The following RERE variants were observed in gnomAD, a reference collection of about 807,000 sequenced individuals.
RERE encodes the protein arginine-glutamic acid dipeptide repeats, also known as arginine-glutamic acid dipeptide repeats protein.
Under a neutral mutation model 146.1 loss-of-function variants are expected in RERE, and 40 were observed. The ratio of observed to expected loss-of-function variants is 0.27; its 90% confidence interval spans 0.21 to 0.36. RERE has a LOEUF of 0.36. Ranked by LOEUF, RERE falls within the 10% of genes least tolerant of loss-of-function variation. The probability of loss-of-function intolerance (pLI) is 1.00; values close to 1 mark genes in which losing one functional copy is unlikely to be tolerated. For missense variants in RERE, 1,933 were observed against 2,138.7 expected (o/e 0.90, Z 1.90); for synonymous variants, 1,003 against 866.0 (o/e 1.16, Z -2.78).
chr1:8,439,888 C>T (rs1557632982), intron 11 of RERE, among the ~76,000 whole-genome samples: 1 of 152,014 alleles, frequency 6.6e-6, no homozygotes, highest in Non-Finnish European at 1.5e-5. Flanking sequence ...GCCTGGCCAA[C>T]ACAGTGAAAC....
intron 10 of RERE, among the ~76,000 whole-genome samples, chr1:8,467,869 C>T (rs1376534514): frequency 1.3e-5 from 2 of 152,194 alleles, no homozygotes; most frequent in African/African-American, 2.4e-5. Flanking sequence ...TGGTCTCGAT[C>T]TCTTGACCTC....
chr1:8,692,559 G>C (rs1287967934), intron 1 of RERE, among the ~76,000 whole-genome samples: 1 of 151,980 alleles, frequency 6.6e-6, no homozygotes, highest in Non-Finnish European at 1.5e-5. Context: ...ATAATGGCCA[G>C]GCTGGTCTCT....
chr1:8,365,851 G>T lies in RERE; in HGVS notation c.1408C>A (p.Pro470Thr), dbSNP rs752220991. 1 of 1,614,166 alleles carries T rather than the reference G, an allele frequency of 6.2e-7. No homozygotes were observed. The highest frequency in any genetic ancestry group is 8.5e-7 in the Non-Finnish European group (1 of 1,180,022). Residue 470 changes from proline to threonine, a missense_variant, in exon 13 of 23, where the codon CCC (proline) becomes ACC (threonine). Around this residue, in one of 11 missense-constraint regions of RERE, gnomAD observed 260 missense variants for 378.4 expected, o/e 0.69. Coordinates refer to ENST00000400908, the MANE Select transcript of RERE (RefSeq NM_001042681.2). ...RRIKTRTASTPVNTPSRPPSS... is the reference protein window; with the variant it reads ...RRIKTRTASTTVNTPSRPPSS... ...GGGGGTCTGGAGGGTGTGTTGACGG[G>T]TGTGGACGCGGTGCGAGTCTTAATC... is the stretch of plus-strand genomic sequence containing the variant.
intron 1 of RERE, among the ~76,000 whole-genome samples, chr1:8,749,555 T>G (rs561754176): frequency 6.6e-6 from 1 of 152,154 alleles, no homozygotes; most frequent in Non-Finnish European, 1.5e-5. Flanking sequence ...GAAAAAAACC[T>G]GATGGAACCG....
Position 8,364,395 on chromosome 1 carries a change from G to A in RERE, c.1541-140C>T, listed in dbSNP as rs908334624. 5.4e-6 allele frequency: 4 copies of A among 742,966 alleles called. No individual in the cohort carries two copies. The highest frequency in any genetic ancestry group is 9.1e-6 in the Non-Finnish European group (4 of 439,628). The allele number at this position is 742,966 out of a possible 1,614,324, so 46.0% of individuals were successfully genotyped here. ...GCAGCCCTGGGCCCCAACACCCCAG[G>A]GCTAGTGCTGCCCTGCTCCCCCAAG... On this transcript the variant is annotated intron_variant, in intron 14 of 22. Transcript: ENST00000400908. The surrounding 1 kb of genome is among the most constrained non-coding windows in gnomAD (Gnocchi z 5.1).
chr1:8,407,046 T>C (rs1023313823), intron 12 of RERE, among the ~76,000 whole-genome samples: 3 of 152,200 alleles, frequency 2.0e-5, no homozygotes, highest in Non-Finnish European at 4.4e-5. Context: ...TTAATGAACA[T>C]GGAGGATGAA....
At chr1:8,671,885 A>C (rs1487818113) in intron 1 of RERE, among the ~76,000 whole-genome samples, 1 of 152,194 alleles carries the variant, frequency 6.6e-6, no homozygotes, top group Non-Finnish European at 1.5e-5. Context: ...AGTGATATGA[A>C]AAGGTAAAAC....
chr1:8,772,736 G>T (rs1233893523), intron 1 of RERE, among the ~76,000 whole-genome samples: 1 of 151,934 alleles, frequency 6.6e-6, no homozygotes, highest in Non-Finnish European at 1.5e-5. Flanking sequence ...GCTGAGATTG[G>T]CCACTGCACT....
At chr1:8,504,348 A>G (rs1645220615) in intron 8 of RERE, among the ~76,000 whole-genome samples, 1 of 152,244 alleles carries the variant, frequency 6.6e-6, no homozygotes, top group Non-Finnish European at 1.5e-5. Flanking sequence ...GAAAAGGACA[A>G]ATACGAAGGA....
chr1:8,395,002 A>T (rs963562911), intron 12 of RERE, among the ~76,000 whole-genome samples: 2 of 152,230 alleles, frequency 1.3e-5, no homozygotes, highest in African/African-American at 2.4e-5. Context: ...TAAATAAAAT[A>T]AAAAAGAAAA....
At chr1:8,726,055 C>G (rs1245189153) in intron 1 of RERE, among the ~76,000 whole-genome samples, 1 of 151,472 alleles carries the variant, frequency 6.6e-6, no homozygotes, top group Non-Finnish European at 1.5e-5. Context: ...AGATATATTC[C>G]TTTCACTTAA....
intron 11 of RERE, among the ~76,000 whole-genome samples, chr1:8,427,354 A>G (rs1644029283): frequency 6.6e-6 from 1 of 152,020 alleles, no homozygotes; most frequent in South Asian, 2.1e-4. Context: ...AGTCTCCCCA[A>G]AGCTTTGTCC....
At chr1:8,362,919 G>A (rs1641646921) in intron 15 of RERE, 75 bp from the exon 16 acceptor site, 1 of 1,524,564 alleles carries the variant, frequency 6.6e-7, no homozygotes, top group African/African-American at 1.4e-5. Context: ...CCAACCCACA[G>A]GCAGAAGCCT....
chr1:8,372,229 C>G (rs986052426), intron 12 of RERE, among the ~76,000 whole-genome samples: 1 of 152,072 alleles, frequency 6.6e-6, no homozygotes, highest in Non-Finnish European at 1.5e-5. Flanking sequence ...CTCTTCTGCC[C>G]GAGCCCAGCA....
intron 12 of RERE, among the ~76,000 whole-genome samples, chr1:8,371,688 G>C (rs116699257): frequency 0.014 from 2,081 of 152,288 alleles, 11 homozygotes; most frequent in Middle Eastern, 0.085. Flanking sequence ...CAGACACAAC[G>C]TAAGACATCA....
At chr1:8,591,149 A>G (rs1246448302) in intron 4 of RERE, among the ~76,000 whole-genome samples, 1 of 152,190 alleles carries the variant, frequency 6.6e-6, no homozygotes, top group East Asian at 1.9e-4. Flanking sequence ...CATCAGATCT[A>G]CTACATCATG....
chr1:8,437,714 A>G (rs1644189785), intron 11 of RERE, among the ~76,000 whole-genome samples: 2 of 152,214 alleles, frequency 1.3e-5, no homozygotes, highest in African/African-American at 4.8e-5. Flanking sequence ...CTGTATATTT[A>G]TAAGGAATAC....
chr1:8,624,513 G>A (rs542343867), intron 2 of RERE, 133 bp from the exon 3 acceptor site: 21 of 595,946 alleles, frequency 3.5e-5, no homozygotes, highest in Non-Finnish European at 6.1e-5. Flanking sequence ...TCCAAAAGAT[G>A]ATATTAAATT....
chr1:8,780,541 C>T (rs1007659918), intron 1 of RERE, among the ~76,000 whole-genome samples: 1 of 152,090 alleles, frequency 6.6e-6, no homozygotes, highest in Non-Finnish European at 1.5e-5. Context: ...GAGAACAATG[C>T]CATCCAGGGT....
Sources: allele counts gnomAD v4.1 joint callset (sites outside exome capture counted in the v4.1 genomes callset), GRCh38; gene constraint gnomAD v4.1.1; regional missense constraint gnomAD v4.1.1; non-coding constraint Gnocchi (gnomAD v3.1); transcripts MANE v1.5; gene names NCBI Gene and HGNC (gene_info 2026-07-23, HGNC 2026-07-21).